Variants in ZCCHC7 observed in about 807,000 individuals in gnomAD.
ZCCHC7 encodes the protein zinc finger CCHC domain-containing protein 7.
Under a neutral mutation model 52.0 loss-of-function variants are expected in ZCCHC7, and 35 were observed. The ratio of observed to expected loss-of-function variants is 0.67; its 90% CI spans 0.51 to 0.89. ZCCHC7 has a LOEUF of 0.89. Among genes scored for constraint, ZCCHC7 ranks in the 40% least tolerant of loss-of-function variants. ZCCHC7 has a pLI of 0.00. For synonymous variants in ZCCHC7, 217 were observed against 221.5 expected, an observed-to-expected ratio of 0.98 and a Z score of 0.18; for missense variants, 574 against 649.1, an observed-to-expected ratio of 0.88 and a Z score of 1.26.
intron 6 of ZCCHC7, among the ~76,000 whole-genome samples, chr9:37,329,959 TCTTAC>T (rs1363545969): frequency 2.0e-5 from 3 of 151,876 alleles, no homozygotes; most frequent in African/African-American, 7.2e-5. Flanking sequence ...TTGTCATATT[TCTTAC>T]CCCAAATGAT....
chr9:37,146,285 T>C (rs1354131746), intron 2 of ZCCHC7, among the ~76,000 whole-genome samples: 3 of 151,916 alleles, frequency 2.0e-5, no homozygotes, highest in Non-Finnish European at 2.9e-5. Flanking sequence ...GTAGGCTTTT[T>C]TCCTCCTTTG....
intron 2 of ZCCHC7, among the ~76,000 whole-genome samples, chr9:37,141,136 T>G (rs935100020): frequency 2.0e-5 from 3 of 152,120 alleles, no homozygotes; most frequent in Middle Eastern, 3.4e-3. Flanking sequence ...ACAGATTCTC[T>G]GCCTATTGTG....
intron 2 of ZCCHC7, among the ~76,000 whole-genome samples, chr9:37,253,929 AG>A (rs1176506185): frequency 6.6e-6 from 1 of 152,030 alleles, no homozygotes; most frequent in East Asian, 1.9e-4. Flanking sequence ...ACTGGAAATT[AG>A]GAGCTAGTAA....
chr9:37,326,004 A>G (rs1001169690), intron 5 of ZCCHC7: 4 of 152,242 alleles, frequency 2.6e-5, no homozygotes, highest in African/African-American at 9.6e-5. Context: ...CTGCCAGTGT[A>G]TGACAACTCA....
At position 37,294,316 on chromosome 9, in the gene ZCCHC7, A is replaced by C. The variant is rs573486519; in HGVS notation, c.611-7872A>C. ...GTGGCTGTTTCAGTTGCTTATTAGA[A>C]GTGAGAAAGATCCCAAGGGGTTTAT... On this transcript the variant is annotated intron_variant, in intron 2 of 8. Transcript: ENST00000336755. Among the ~76,000 whole-genome samples the C allele has an allele frequency of 3.9e-5, 6 of 152,306 alleles. No individual in the cohort carries two copies. In the East Asian group the frequency reaches 5.8e-4, roughly 15 times the overall value.
chr9:37,336,944 T>C (rs1830693582), intron 6 of ZCCHC7, among the ~76,000 whole-genome samples: 1 of 152,104 alleles, frequency 6.6e-6, no homozygotes, highest in African/African-American at 2.4e-5. Flanking sequence ...CAAACAGTGG[T>C]AAGATACCCT....
chr9:37,199,309 T>C (rs1823462394), intron 2 of ZCCHC7, among the ~76,000 whole-genome samples: 1 of 151,554 alleles, frequency 6.6e-6, no homozygotes, highest in Admixed American at 6.6e-5. Context: ...TTTCTTTTTC[T>C]TTTTTCTTTT....
chr9:37,249,456 C>CTTTTTTT (rs60166399), intron 2 of ZCCHC7, among the ~76,000 whole-genome samples: 74 of 111,222 alleles, frequency 6.7e-4, no homozygotes, highest in African/African-American at 1.0e-3. Context: ...CTTCTTCTTC[C>CTTTTTTT]TTTTTTTTTT....
Position 37,312,061 on chromosome 9 carries a change from G to C in ZCCHC7, c.951+6347G>C, listed in dbSNP as rs577171589. ...TTATTTTATTTTTAGTGTACTCCAA[G>C]GAGCACTGAGTAGTATTCATATGAT... On this transcript the variant is annotated intron_variant, in intron 5 of 8. Coordinates refer to ENST00000336755, the MANE Select transcript of ZCCHC7 (RefSeq NM_032226.3). 2.6e-4 allele frequency among the ~76,000 whole-genome samples: 39 copies of C among 152,272 alleles called. No homozygotes were observed. The South Asian group carries it at 8.1e-3, about 32-fold the overall frequency.
intron 2 of ZCCHC7, among the ~76,000 whole-genome samples, chr9:37,239,862 C>T (rs1289584121): frequency 6.6e-6 from 1 of 152,022 alleles, no homozygotes; most frequent in Non-Finnish European, 1.5e-5. Flanking sequence ...GTTCCTAAAG[C>T]TTTTAAACAA....
chr9:37,165,288 T>G (rs901657673), intron 2 of ZCCHC7, among the ~76,000 whole-genome samples: 1 of 152,182 alleles, frequency 6.6e-6, no homozygotes, highest in Non-Finnish European at 1.5e-5. Flanking sequence ...AAAGGCAGTT[T>G]TACTTCTTTC....
intron 2 of ZCCHC7, among the ~76,000 whole-genome samples, chr9:37,225,830 G>C (rs1825069894): frequency 6.6e-6 from 1 of 152,150 alleles, no homozygotes; most frequent in Non-Finnish European, 1.5e-5. Flanking sequence ...TAAAAAACCT[G>C]CAACTAGTGA....
upstream of ZCCHC7, among the ~76,000 whole-genome samples, chr9:37,120,302 C>A (rs1372226118): frequency 6.6e-6 from 1 of 152,254 alleles, no homozygotes; most frequent in Non-Finnish European, 1.5e-5. Context: ...ATAGCATCTC[C>A]TTCGTACGAG....
intron 2 of ZCCHC7, among the ~76,000 whole-genome samples, chr9:37,208,083 A>G (rs1824017328): frequency 6.6e-6 from 1 of 151,800 alleles, no homozygotes; most frequent in South Asian, 2.1e-4. Context: ...ATTTTTTGTT[A>G]CGGCTTCTGC....
intron 2 of ZCCHC7, among the ~76,000 whole-genome samples, chr9:37,159,986 T>G (rs1821007706): frequency 6.6e-6 from 1 of 152,198 alleles, no homozygotes. Context: ...AGAGATTCCC[T>G]TAAACATTAA....
intron 2 of ZCCHC7, among the ~76,000 whole-genome samples, chr9:37,265,749 T>G (rs1827075401): frequency 6.6e-6 from 1 of 152,198 alleles, no homozygotes; most frequent in Admixed American, 6.5e-5. Context: ...GCGACCATTT[T>G]CCTTTTTCAA....
At chr9:37,191,212 T>C (rs955593856) in intron 2 of ZCCHC7, among the ~76,000 whole-genome samples, 7 of 152,166 alleles carry the variant, frequency 4.6e-5, no homozygotes, top group African/African-American at 1.7e-4. Flanking sequence ...AAAAGTAATT[T>C]TACCTTAGTT....
At chr9:37,294,922 T>C (rs1828713260) in intron 2 of ZCCHC7, among the ~76,000 whole-genome samples, 2 of 152,164 alleles carry the variant, frequency 1.3e-5, no homozygotes, top group Non-Finnish European at 2.9e-5. Context: ...TTTCAGACTA[T>C]GACTGAAGGA....
At chr9:37,356,754 TGTTAA>T (rs1420079255) in intron 8 of ZCCHC7, 76 bp from the exon 9 acceptor site, 15 of 1,298,154 alleles carry the variant, frequency 1.2e-5, no homozygotes, top group African/African-American at 6.0e-5. Flanking sequence ...CTTCCCTGTC[TGTTAA>T]GTTATTTACA....
Sources: gnomAD v4.1 joint callset for allele counts (sites outside exome capture counted in the v4.1 genomes callset) on GRCh38, gnomAD v4.1.1 for gene constraint, MANE v1.5 for transcripts, NCBI Gene and HGNC (gene_info 2026-07-23, HGNC 2026-07-21) for gene names.